The following LPIN1 variants were observed in gnomAD, a reference collection of about 807,000 sequenced individuals.
The protein encoded by LPIN1 is lipin 1, also known as phosphatidate phosphatase LPIN1.
In LPIN1, 71 loss-of-function variants were observed where a neutral mutation model predicts 107.5. The observed-to-expected ratio is 0.66, with a 90% CI of 0.55 to 0.80. LPIN1 has a LOEUF of 0.80. Among genes scored for constraint, LPIN1 ranks in the 30% least tolerant of loss-of-function variants. The pLI is 0.00. For missense variants in LPIN1, 1,043 were observed against 1,160.6 expected (o/e 0.90, Z 1.47); for synonymous variants, 445 against 452.6 (o/e 0.98, Z 0.21).
intron 12 of LPIN1, among the ~76,000 whole-genome samples, chr2:11,788,712 A>G (rs563913332): frequency 8.5e-5 from 13 of 152,310 alleles, no homozygotes; most frequent in Non-Finnish European, 1.9e-4. Flanking sequence ...AATATCTGCC[A>G]TGCAAGGGGT....
chr2:11,702,839 C>G (rs544492207), intron 1 of LPIN1, among the ~76,000 whole-genome samples: 47 of 152,118 alleles, frequency 3.1e-4, no homozygotes, highest in Admixed American at 5.9e-4. Context: ...TCTTGTTTGC[C>G]AATCATTTTT....
At chr2:11,801,534 A>T (rs1363870777) in intron 14 of LPIN1, among the ~76,000 whole-genome samples, 2 of 152,292 alleles carry the variant, frequency 1.3e-5, no homozygotes, top group East Asian at 3.9e-4. Flanking sequence ...TCTTACTCAT[A>T]TGTGGGAGCT....
At chr2:11,701,712 T>G (rs1027633571) in intron 1 of LPIN1, among the ~76,000 whole-genome samples, 5 of 152,198 alleles carry the variant, frequency 3.3e-5, no homozygotes, top group Admixed American at 2.6e-4. Flanking sequence ...CAAAGAAAAG[T>G]TAAATGACTA....
chr2:11,797,878 G>A (rs183577997), intron 14 of LPIN1, among the ~76,000 whole-genome samples: 7 of 152,280 alleles, frequency 4.6e-5, no homozygotes, highest in African/African-American at 1.7e-4. Flanking sequence ...GGGTCCAGGG[G>A]CAGAATGATA....
intron 17 of LPIN1, among the ~76,000 whole-genome samples, chr2:11,808,722 A>G (rs1407046732): frequency 2.0e-5 from 3 of 151,950 alleles, no homozygotes; most frequent in African/African-American, 7.3e-5. Flanking sequence ...AAAAATACAA[A>G]AATTAGCCAG....
chr2:11,731,205 G>T (rs924204852), intron 1 of LPIN1, among the ~76,000 whole-genome samples: 2 of 151,954 alleles, frequency 1.3e-5, no homozygotes, highest in Non-Finnish European at 2.9e-5. Flanking sequence ...TTAAGTATTT[G>T]TCCTAATGCT....
chr2:11,706,802 A>G (rs1417129041), intron 1 of LPIN1, among the ~76,000 whole-genome samples: 1 of 152,200 alleles, frequency 6.6e-6, no homozygotes, highest in Non-Finnish European at 1.5e-5. Flanking sequence ...GAGGTGGTCT[A>G]TATCTGGGGG....
intron 1 of LPIN1, among the ~76,000 whole-genome samples, chr2:11,706,453 T>A (rs1663134396): frequency 6.6e-6 from 1 of 152,192 alleles, no homozygotes; most frequent in Non-Finnish European, 1.5e-5. Flanking sequence ...AATAGGGAGA[T>A]TATCCTGGAT....
chr2:11,793,473 G>C (rs1676133129), intron 13 of LPIN1, among the ~76,000 whole-genome samples: 1 of 152,164 alleles, frequency 6.6e-6, no homozygotes, highest in African/African-American at 2.4e-5. Flanking sequence ...GTTCCCCAGG[G>C]CTCTTATAAT....
chr2:11,696,737 A>G (rs1375620030), intron 1 of LPIN1, among the ~76,000 whole-genome samples: 1 of 152,184 alleles, frequency 6.6e-6, no homozygotes, highest in Admixed American at 6.5e-5. Flanking sequence ...TTCAGGCCAA[A>G]CAACTCCTCG....
At chr2:11,682,818 A>G (rs1661795278) in intron 1 of LPIN1, 1 of 152,216 alleles carries the variant, frequency 6.6e-6, no homozygotes, top group Non-Finnish European at 1.5e-5. Flanking sequence ...ATGGGAACGC[A>G]AGTCCCTGTT....
At chr2:11,686,993 C>CTTT (rs141927239) in intron 1 of LPIN1, among the ~76,000 whole-genome samples, 73 of 85,134 alleles carry the variant, frequency 8.6e-4, no homozygotes, top group Non-Finnish European at 1.2e-3. Flanking sequence ...GCTTTTGATC[C>CTTT]TTTTTTTTTT....
At position 11,826,957 on chromosome 2, in the gene LPIN1, C is replaced by T. The variant is rs1682447794; in HGVS notation, c.*2166C>T. 1 of 152,644 alleles carries T rather than the reference C, an allele frequency of 6.6e-6. No individual in the cohort carries two copies. The highest frequency in any genetic ancestry group is 2.4e-5 in the African/African-American group (1 of 41,458). 9.5% of individuals were successfully genotyped at this position (152,644 alleles called of 1,614,324 possible). ...TGGCATATTAACACCTGCCTTCTGGCTTCTGAAAGTGAGATTTGTATATGG... is the reference window on the plus strand; with the variant it reads ...TGGCATATTAACACCTGCCTTCTGGTTTCTGAAAGTGAGATTTGTATATGG... On this transcript the variant is annotated 3_prime_UTR_variant, in exon 21 of 21. Coordinates refer to ENST00000674199, the MANE Select transcript of LPIN1 (RefSeq NM_001349206.2).
intron 1 of LPIN1, among the ~76,000 whole-genome samples, chr2:11,751,251 C>A (rs1446717429): frequency 6.6e-6 from 1 of 151,364 alleles, no homozygotes; most frequent in East Asian, 1.9e-4. Flanking sequence ...CAGGAGTACC[C>A]CTGTCCAGCA....
chr2:11,734,689 G>A (rs529200746), intron 1 of LPIN1, among the ~76,000 whole-genome samples: 3 of 152,162 alleles, frequency 2.0e-5, no homozygotes, highest in East Asian at 1.9e-4. Context: ...TCAAAGAGGC[G>A]GCCTCCAGAT....
In LPIN1 at chr2:11,776,406, C is replaced by T. The variant is rs117634102; in HGVS notation, c.830+213C>T. Among the ~76,000 whole-genome samples the T allele has an allele frequency of 2.4e-3, 364 of 149,636 alleles. 8 individuals are homozygous for T. In the East Asian group the frequency reaches 0.06, roughly 25 times the overall value. On this transcript the variant is annotated intron_variant, in intron 6 of 20. Coordinates refer to ENST00000674199, the MANE Select transcript of LPIN1 (RefSeq NM_001349206.2). ...TGTATATAGATTACTCTTTTCCTTT[C>T]GTTATAAGCATTTGTAGATGATCAG...
chr2:11,683,177 C>T (rs989195906), intron 1 of LPIN1: 3 of 152,216 alleles, frequency 2.0e-5, no homozygotes, highest in Non-Finnish European at 4.4e-5. Flanking sequence ...ACTCTGCAAA[C>T]TGTGGTGCGC....
At position 11,803,072 on chromosome 2, in the gene LPIN1, C is replaced by T. The variant is rs1407041015; in HGVS notation, c.2013+39C>T. The T allele has an allele frequency of 1.2e-6, 2 of 1,610,752 alleles. No homozygotes were observed. Among genetic ancestry groups the T allele is most frequent in the Non-Finnish European group, 1.7e-6 (2 of 1,179,906 alleles). On this transcript the variant is annotated intron_variant, in intron 15 of 20. Coordinates refer to ENST00000674199, the MANE Select transcript of LPIN1 (RefSeq NM_001349206.2). The surrounding 1 kb of genome is among the most constrained non-coding windows in gnomAD (Gnocchi z 4.2). Reference sequence around the variant, plus strand: ...GCTTGGCGCGGCTGTGTTGTGAGCACATGAGGTTTCTGCAGACTCCTAAGG... The same window carrying T: ...GCTTGGCGCGGCTGTGTTGTGAGCATATGAGGTTTCTGCAGACTCCTAAGG...
At chr2:11,756,593 G>A (rs1237940550) in intron 1 of LPIN1, among the ~76,000 whole-genome samples, 1 of 152,078 alleles carries the variant, frequency 6.6e-6, no homozygotes, top group African/African-American at 2.4e-5. Context: ...TAGAGAGCCT[G>A]ACCATGTTGG....
Sources: gnomAD v4.1 joint callset for allele counts (sites outside exome capture counted in the v4.1 genomes callset) on GRCh38, gnomAD v4.1.1 for gene constraint, Gnocchi (gnomAD v3.1) non-coding constraint, MANE v1.5 for transcripts, NCBI Gene and HGNC (gene_info 2026-07-23, HGNC 2026-07-21) for gene names.